Variants in ATP6V1H observed in about 807,000 individuals in gnomAD.
ATP6V1H encodes V-type proton ATPase subunit H.
A neutral mutation model predicts 71.7 loss-of-function variants in ATP6V1H; 39 were observed. The observed-to-expected ratio is 0.54, with a 90% CI of 0.42 to 0.71. The LOEUF (loss-of-function observed/expected upper bound fraction) is 0.71. Among genes scored for constraint, ATP6V1H ranks in the 30% least tolerant of loss-of-function variants. The pLI is 0.00. For missense variants in ATP6V1H, 509 were observed against 594.9 expected (o/e 0.86, Z 1.50); for synonymous variants, 192 against 199.3 (o/e 0.96, Z 0.31).
In ATP6V1H at chr8:53,781,551, A is replaced by C. The variant is rs544776747; in HGVS notation, c.871-9384T>G. On this transcript the variant is annotated intron_variant, in intron 9 of 13. Coordinates refer to ENST00000359530, the MANE Select transcript of ATP6V1H (RefSeq NM_015941.4). ...CAGAAGTTCTTTAGTTTAATTAGAC[A>C]CCATTTGTCAATTTTGTCTTTTGTT... 2.2e-3 allele frequency among the ~76,000 whole-genome samples: 337 copies of C among 152,068 alleles called. 2 individuals are homozygous for C. The highest frequency in any genetic ancestry group is 7.8e-3 in the African/African-American group (323 of 41,488).
chr8:53,735,467 T>C (rs1234668867), intron 13 of ATP6V1H, among the ~76,000 whole-genome samples: 2 of 152,200 alleles, frequency 1.3e-5, no homozygotes, highest in African/African-American at 4.8e-5. Context: ...CTCAAGCAGC[T>C]ACTGAAGAAA....
chr8:53,789,172 ATC>A (rs1466313604), intron 9 of ATP6V1H, among the ~76,000 whole-genome samples: 1 of 152,198 alleles, frequency 6.6e-6, no homozygotes. Context: ...ATCAACTAAT[ATC>A]TCTCTTCTGT....
chr8:53,764,547 C>CA (rs529327898), intron 11 of ATP6V1H, among the ~76,000 whole-genome samples: 8,453 of 144,080 alleles, frequency 0.059, 655 homozygotes, highest in African/African-American at 0.18. Context: ...AGATGATGTG[C>CA]AAAAAAAAAA....
intron 12 of ATP6V1H, among the ~76,000 whole-genome samples, chr8:53,748,000 T>C (rs1807667178): frequency 6.6e-6 from 1 of 151,876 alleles, no homozygotes; most frequent in Admixed American, 6.6e-5. Context: ...ACCCCGTCTC[T>C]ACTAAAAATT....
intron 9 of ATP6V1H, among the ~76,000 whole-genome samples, chr8:53,773,494 A>C (rs183010118): frequency 6.6e-6 from 1 of 152,328 alleles, no homozygotes; most frequent in African/African-American, 2.4e-5. Context: ...ACAGTAGGGA[A>C]GTCAAGGAAC....
intron 11 of ATP6V1H, among the ~76,000 whole-genome samples, chr8:53,766,861 T>C (rs1385291494): frequency 1.3e-5 from 2 of 152,234 alleles, no homozygotes; most frequent in Admixed American, 6.5e-5. Context: ...TGAAACTTCA[T>C]TAGCAATTTT....
At chr8:53,825,426 G>C (rs1810794241) in intron 4 of ATP6V1H, among the ~76,000 whole-genome samples, 1 of 151,216 alleles carries the variant, frequency 6.6e-6, no homozygotes, top group South Asian at 2.1e-4. Flanking sequence ...CAAATAAGCT[G>C]ACATTCCATT....
rs1809919117 is a variant in ATP6V1H, at chr8:53,801,847, C to T, written c.629G>A (p.Arg210Gln). 1.2e-6 allele frequency: 2 copies of T among 1,613,916 alleles called. No homozygotes were observed. The highest frequency in any genetic ancestry group is 1.7e-6 in the Non-Finnish European group (2 of 1,179,972). ...CCAAGCAAAGCGGTACTCATTGACCCGGAGCATCAGCTGCAAACACCCGGC... is the reference window on the plus strand; with the variant it reads ...CCAAGCAAAGCGGTACTCATTGACCTGGAGCATCAGCTGCAAACACCCGGC... Reference protein sequence around the residue: ...CVAGCLQLMLRVNEYRFAWVE... With the variant: ...CVAGCLQLMLQVNEYRFAWVE... Residue 210 changes from arginine (R) to glutamine (Q), a missense_variant, in exon 8 of 14, where the codon CGG becomes CAG. Around this residue, in one of 2 missense-constraint regions of ATP6V1H, gnomAD observed 297 missense variants for 303.3 expected, o/e 0.98. Coordinates refer to ENST00000359530, the MANE Select transcript of ATP6V1H (RefSeq NM_015941.4).
intron 13 of ATP6V1H, among the ~76,000 whole-genome samples, chr8:53,739,904 C>A (rs997641389): frequency 6.6e-6 from 1 of 152,234 alleles, no homozygotes; most frequent in South Asian, 2.1e-4. Flanking sequence ...TGTCCCCTCC[C>A]TCCCCAGCAA....
intron 12 of ATP6V1H, among the ~76,000 whole-genome samples, chr8:53,752,636 C>T (rs1176177548): frequency 6.6e-6 from 1 of 152,136 alleles, no homozygotes; most frequent in African/African-American, 2.4e-5. Flanking sequence ...CTGCAACCTC[C>T]ACCTCCTGGG....
intron 12 of ATP6V1H, among the ~76,000 whole-genome samples, chr8:53,745,765 G>A (rs952422797): frequency 6.6e-6 from 1 of 151,922 alleles, no homozygotes; most frequent in Non-Finnish European, 1.5e-5. Flanking sequence ...AACAGACCAC[G>A]TAAAGGACGC....
intron 2 of ATP6V1H, among the ~76,000 whole-genome samples, chr8:53,841,312 G>A (rs911962262): frequency 6.6e-6 from 1 of 152,098 alleles, no homozygotes; most frequent in African/African-American, 2.4e-5. Context: ...TTCCTCCTAT[G>A]TTTCCCACTT....
intron 11 of ATP6V1H, among the ~76,000 whole-genome samples, chr8:53,766,644 G>C (rs1310505578): frequency 1.3e-5 from 2 of 152,188 alleles, no homozygotes; most frequent in Non-Finnish European, 2.9e-5. Flanking sequence ...GAAAGAGAAT[G>C]CGCACCTAGG....
chr8:53,825,537 G>A (rs1777375020), intron 4 of ATP6V1H, among the ~76,000 whole-genome samples: 1 of 151,994 alleles, frequency 6.6e-6, no homozygotes. Context: ...CATTAAACTG[G>A]GTGGTGCTGG....
chr8:53,756,895 C>T (rs1808087154), intron 11 of ATP6V1H, among the ~76,000 whole-genome samples: 3 of 152,106 alleles, frequency 2.0e-5, no homozygotes, highest in Admixed American at 2.0e-4. Context: ...TCAGGGACTC[C>T]CCCCTCAAGA....
intron 12 of ATP6V1H, among the ~76,000 whole-genome samples, chr8:53,753,841 T>C (rs1464247475): frequency 6.6e-6 from 1 of 152,222 alleles, no homozygotes; most frequent in African/African-American, 2.4e-5. Context: ...TCAACAACTA[T>C]GAGGGTCTTA....
intron 4 of ATP6V1H, among the ~76,000 whole-genome samples, chr8:53,819,554 A>ATATATG (rs1246737956): frequency 7.0e-5 from 7 of 100,700 alleles, no homozygotes; most frequent in African/African-American, 3.6e-4. Flanking sequence ...AAGCATATAT[A>ATATATG]TATATATATA....
chr8:53,766,646 G>A lies in ATP6V1H; in HGVS notation c.1175+2972C>T, dbSNP rs188704249. Among the ~76,000 whole-genome samples the A allele has an allele frequency of 2.2e-3, 337 of 152,266 alleles. 2 individuals are homozygous for A. Among genetic ancestry groups the A allele is most frequent in the African/African-American group, 7.8e-3 (324 of 41,544 alleles). ...GGGATATCCCTGAGAAAGAGAATGCGCACCTAGGGGTAGGTCTCTGAACTG... is the reference window on the plus strand; with the variant it reads ...GGGATATCCCTGAGAAAGAGAATGCACACCTAGGGGTAGGTCTCTGAACTG... On this transcript the variant is annotated intron_variant, in intron 11 of 13. Transcript: ENST00000359530.
At chr8:53,798,453 G>GGAGGTTGCA (rs1563471839) in intron 8 of ATP6V1H, among the ~76,000 whole-genome samples, 1 of 151,976 alleles carries the variant, frequency 6.6e-6, no homozygotes, top group African/African-American at 2.4e-5. Flanking sequence ...CCCAGGAGGC[G>GGAGGTTGCA]GAGGTTGCAG....
Sources: gnomAD v4.1 joint callset for allele counts (sites outside exome capture counted in the v4.1 genomes callset) on GRCh38, gnomAD v4.1.1 for gene constraint, gnomAD v4.1.1 regional missense constraint, MANE v1.5 for transcripts, NCBI Gene and HGNC (gene_info 2026-07-23, HGNC 2026-07-21) for gene names.